The following ABTB2 variants were observed in gnomAD, a reference collection of about 807,000 sequenced individuals.
ABTB2 encodes the protein ankyrin repeat and BTB/POZ domain-containing protein 2.
ABTB2 carries 56 observed loss-of-function variants against 104.1 expected under a neutral mutation model. The ratio of observed to expected loss-of-function variants is 0.54; its 90% CI spans 0.43 to 0.67. The LOEUF (loss-of-function observed/expected upper bound fraction) is 0.67, where lower values mean the gene tolerates loss of function less well. ABTB2 is among the 30% of genes least tolerant of loss of function. The pLI, the probability that ABTB2 is intolerant of heterozygous loss-of-function variation, is 0.00. For missense variants in ABTB2, 1,279 were observed against 1,407.7 expected, an observed-to-expected ratio of 0.91 and a Z score of 1.46; for synonymous variants, 606 against 608.2, an observed-to-expected ratio of 1.00 and a Z score of 0.05.
At chr11:34,214,139 A>ACACACACACACACACACAC (rs1853519948) in intron 1 of ABTB2, among the ~76,000 whole-genome samples, 7 of 139,272 alleles carry the variant, frequency 5.0e-5, no homozygotes, top group African/African-American at 2.0e-4. Context: ...GCACATTCAA[A>ACACACACACACACACACAC]ACACACACAC....
intron 9 of ABTB2, among the ~76,000 whole-genome samples, chr11:34,163,656 C>T (rs535045854): frequency 3.0e-4 from 45 of 152,358 alleles, no homozygotes; most frequent in African/African-American, 1.0e-3. Context: ...TCCTACCTGC[C>T]AAGCCCATGG....
intron 1 of ABTB2, among the ~76,000 whole-genome samples, chr11:34,288,423 C>T (rs1854529543): frequency 6.6e-6 from 1 of 152,210 alleles, no homozygotes; most frequent in Non-Finnish European, 1.5e-5. Context: ...GGTCACTCTT[C>T]AGAGTTATCC....
intron 1 of ABTB2, among the ~76,000 whole-genome samples, chr11:34,352,610 A>G (rs534118528): frequency 2.0e-5 from 3 of 152,340 alleles, no homozygotes; most frequent in African/African-American, 7.2e-5. Context: ...TTGAGCATTT[A>G]CTATGTGCTA....
chr11:34,214,096 A>G (rs1466878619), intron 1 of ABTB2, among the ~76,000 whole-genome samples: 3 of 150,860 alleles, frequency 2.0e-5, no homozygotes, highest in South Asian at 2.1e-4. Flanking sequence ...CTGTAAGCCA[A>G]TGACAACACA....
chr11:34,194,074 G>A (rs759630763), intron 3 of ABTB2, among the ~76,000 whole-genome samples: 8 of 152,192 alleles, frequency 5.3e-5, no homozygotes, highest in Non-Finnish European at 1.0e-4. Flanking sequence ...TCCCTTTGTC[G>A]CCATGGATGT....
At chr11:34,167,012 C>T (rs1004653776) in intron 7 of ABTB2, among the ~76,000 whole-genome samples, 1 of 152,264 alleles carries the variant, frequency 6.6e-6, no homozygotes, top group Non-Finnish European at 1.5e-5. Context: ...GAGGGCATGA[C>T]AGGACCCTAG....
At chr11:34,182,507 G>C (rs550186251) in intron 3 of ABTB2, among the ~76,000 whole-genome samples, 2 of 137,522 alleles carry the variant, frequency 1.5e-5, no homozygotes, top group Non-Finnish European at 3.2e-5. Flanking sequence ...TGGGGGGGGG[G>C]GGAAATTCAC....
intron 1 of ABTB2, among the ~76,000 whole-genome samples, chr11:34,267,392 C>T (rs1484866374): frequency 4.6e-5 from 7 of 152,180 alleles, no homozygotes; most frequent in Non-Finnish European, 1.0e-4. Context: ...CAACCCTGGC[C>T]TCTTCCCCAT....
At chr11:34,255,360 G>C (rs970570545) in intron 1 of ABTB2, among the ~76,000 whole-genome samples, 2 of 152,124 alleles carry the variant, frequency 1.3e-5, no homozygotes, top group Admixed American at 6.5e-5. Context: ...AGCAGAGAAC[G>C]GTACAGACAG....
chr11:34,228,918 G>A (rs942988401), intron 1 of ABTB2, among the ~76,000 whole-genome samples: 4 of 151,922 alleles, frequency 2.6e-5, no homozygotes, highest in Non-Finnish European at 4.4e-5. Context: ...TCAGGAGTTC[G>A]AGACCAGCCT....
At chr11:34,269,890 C>T (rs544160638) in intron 1 of ABTB2, among the ~76,000 whole-genome samples, 24 of 152,324 alleles carry the variant, frequency 1.6e-4, no homozygotes, top group South Asian at 6.2e-4. Flanking sequence ...CATACAATCA[C>T]GTGACTCGAT....
chr11:34,235,791 C>T (rs1048433272), intron 1 of ABTB2, among the ~76,000 whole-genome samples: 1 of 152,202 alleles, frequency 6.6e-6, no homozygotes, highest in African/African-American at 2.4e-5. Context: ...ATGCTAGAGG[C>T]ATTAATTAGC....
intron 1 of ABTB2, among the ~76,000 whole-genome samples, chr11:34,327,159 T>C (rs142496264): frequency 1.3e-5 from 2 of 152,338 alleles, no homozygotes; most frequent in African/African-American, 4.8e-5. Flanking sequence ...CTATTTGCTG[T>C]ATACAAGAAA....
chr11:34,204,858 C>T (rs778680866), intron 1 of ABTB2, among the ~76,000 whole-genome samples, 168 bp from the exon 2 acceptor site: 40 of 152,244 alleles, frequency 2.6e-4, no homozygotes, highest in Non-Finnish European at 4.6e-4. Context: ...TGACTGTGGA[C>T]GGTGCTATAG....
intron 3 of ABTB2, among the ~76,000 whole-genome samples, chr11:34,193,363 G>C (rs553357946): frequency 1.3e-5 from 2 of 152,232 alleles, no homozygotes; most frequent in Non-Finnish European, 2.9e-5. Flanking sequence ...GCTTTCCCAG[G>C]ATAGTGAGGG....
At chr11:34,176,637 G>A (rs1031823323) in intron 3 of ABTB2, among the ~76,000 whole-genome samples, 1 of 152,218 alleles carries the variant, frequency 6.6e-6, no homozygotes, top group African/African-American at 2.4e-5. Flanking sequence ...GAGAGACCGT[G>A]TCTCAAGAAA....
intron 1 of ABTB2, among the ~76,000 whole-genome samples, chr11:34,231,826 T>C (rs2133057423): frequency 6.6e-6 from 1 of 152,284 alleles, no homozygotes; most frequent in East Asian, 1.9e-4. Flanking sequence ...ACTTTACCTC[T>C]GTGGACTTCC....
intron 1 of ABTB2, among the ~76,000 whole-genome samples, chr11:34,262,573 C>T (rs1334498359): frequency 2.0e-5 from 3 of 152,172 alleles, no homozygotes; most frequent in Non-Finnish European, 4.4e-5. Context: ...TCAAATCTAT[C>T]GCCAGCCCAC....
chr11:34,321,238 G>C (rs11032613), intron 1 of ABTB2, among the ~76,000 whole-genome samples: 12,665 of 152,198 alleles, frequency 0.083, 744 homozygotes, highest in East Asian at 0.3. Context: ...GTCATTGCAA[G>C]GGAGAATGAA....
Sources: gnomAD v4.1 joint callset for allele counts (sites outside exome capture counted in the v4.1 genomes callset) on GRCh38, gnomAD v4.1.1 for gene constraint, MANE v1.5 for transcripts, NCBI Gene and HGNC (gene_info 2026-07-23, HGNC 2026-07-21) for gene names.